Variants in ERBB4 observed in about 807,000 individuals in gnomAD.
The protein encoded by ERBB4 is erb-b2 receptor tyrosine kinase 4.
In ERBB4, 42 loss-of-function variants were observed where a neutral mutation model predicts 158.0. The observed-to-expected ratio is 0.27, with a 90% CI of 0.21 to 0.34. The LOEUF is 0.34. Ranked by LOEUF, ERBB4 falls within the 10% of genes least tolerant of loss-of-function variation. The pLI, the probability that ERBB4 is intolerant of heterozygous loss-of-function variation, is 1.00. For missense variants in ERBB4, 1,333 were observed against 1,624.1 expected (o/e 0.82, Z 3.08); for synonymous variants, 583 against 558.7 (o/e 1.04, Z -0.61).
At chr2:212,059,821 T>A (rs1186090546) in intron 2 of ERBB4, among the ~76,000 whole-genome samples, 1 of 152,028 alleles carries the variant, frequency 6.6e-6, no homozygotes, top group Non-Finnish European at 1.5e-5. Flanking sequence ...AAACATTAGA[T>A]CTAAAACCAT....
chr2:211,699,029 T>C (rs2073131207), intron 12 of ERBB4, among the ~76,000 whole-genome samples: 1 of 152,182 alleles, frequency 6.6e-6, no homozygotes, highest in South Asian at 2.1e-4. Context: ...GAGTTAACTT[T>C]TTAAAAAATC....
intron 12 of ERBB4, among the ~76,000 whole-genome samples, chr2:211,700,810 C>T (rs2073206579): frequency 1.3e-5 from 2 of 152,122 alleles, no homozygotes; most frequent in South Asian, 4.1e-4. Context: ...ACTGTGAGAG[C>T]AGAATTTTCT....
At chr2:211,896,408 C>T (rs1015046374) in intron 3 of ERBB4, among the ~76,000 whole-genome samples, 1 of 152,286 alleles carries the variant, frequency 6.6e-6, no homozygotes, top group Middle Eastern at 3.4e-3. Flanking sequence ...AGTCCATCAT[C>T]AGTAAATCTT....
Position 211,593,780 on chromosome 2 carries a change from T to C in ERBB4, c.2301+25397A>G, listed in dbSNP as rs1166530380. Among the ~76,000 whole-genome samples, 7 of 152,282 alleles carry C rather than the reference T, an allele frequency of 4.6e-5. No homozygotes were observed. In the South Asian group the frequency reaches 8.3e-4, roughly 18 times the overall value. On this transcript the variant is annotated intron_variant, in intron 19 of 27. Coordinates refer to ENST00000342788, the MANE Select transcript of ERBB4 (RefSeq NM_005235.3). ...TGATACCCTTTCAAGGAAAGACTTATCCGAGAGCGCTGCTGGCAAACAGCC... is the reference window on the plus strand; with the variant it reads ...TGATACCCTTTCAAGGAAAGACTTACCCGAGAGCGCTGCTGGCAAACAGCC...
At chr2:212,404,760 C>G (rs1395356529) in intron 1 of ERBB4, among the ~76,000 whole-genome samples, 1 of 151,906 alleles carries the variant, frequency 6.6e-6, no homozygotes, top group Non-Finnish European at 1.5e-5. Flanking sequence ...GTGTTAAGCC[C>G]AGTACCTAAT....
intron 4 of ERBB4, among the ~76,000 whole-genome samples, chr2:211,786,387 T>C (rs2076165407): frequency 1.3e-5 from 2 of 152,206 alleles, no homozygotes; most frequent in South Asian, 2.1e-4. Context: ...AAAACTACTA[T>C]GTAAATAATA....
intron 1 of ERBB4, among the ~76,000 whole-genome samples, chr2:212,198,614 G>A (rs2082498737): frequency 6.6e-6 from 1 of 151,876 alleles, no homozygotes. Flanking sequence ...TTGCTCTGTT[G>A]CCCAGGCTGG....
chr2:211,971,482 GA>G (rs1471672728), intron 2 of ERBB4, among the ~76,000 whole-genome samples: 1 of 152,114 alleles, frequency 6.6e-6, no homozygotes, highest in Non-Finnish European at 1.5e-5. Flanking sequence ...GAGGTATAAA[GA>G]AGAGCTGGTA....
At chr2:212,384,892 T>TATATAG (rs2090622356) in intron 1 of ERBB4, among the ~76,000 whole-genome samples, 1 of 85,134 alleles carries the variant, frequency 1.2e-5, no homozygotes, top group Non-Finnish European at 2.7e-5. Context: ...GTTTGTGGAA[T>TATATAG]ATATATATAT....
intron 3 of ERBB4, among the ~76,000 whole-genome samples, chr2:211,931,189 CA>C (rs1162522627): frequency 1.3e-5 from 2 of 152,056 alleles, no homozygotes; most frequent in African/African-American, 4.8e-5. Context: ...CAAAAGTCAT[CA>C]AAAGTTTTTC....
chr2:212,361,983 T>C (rs999007947), intron 1 of ERBB4, among the ~76,000 whole-genome samples: 1 of 151,682 alleles, frequency 6.6e-6, no homozygotes, highest in Non-Finnish European at 1.5e-5. Flanking sequence ...ATTTAAAGCA[T>C]ATAATTTTGT....
intron 25 of ERBB4, among the ~76,000 whole-genome samples, chr2:211,419,150 C>T (rs79113310): frequency 0.015 from 2,315 of 152,162 alleles, 53 homozygotes; most frequent in African/African-American, 0.052. Context: ...AGCAAACCTA[C>T]AGTGTAGTAG....
chr2:211,503,417 G>A (rs1206120607), intron 20 of ERBB4, among the ~76,000 whole-genome samples: 3 of 152,096 alleles, frequency 2.0e-5, no homozygotes, highest in African/African-American at 2.4e-5. Context: ...CCCCAGGCCC[G>A]CCAGTTTCTC....
intron 2 of ERBB4, among the ~76,000 whole-genome samples, chr2:211,960,220 T>C (rs2081144514): frequency 6.6e-6 from 1 of 152,106 alleles, no homozygotes; most frequent in Admixed American, 6.6e-5. Flanking sequence ...CATCTTATCA[T>C]AGCAGATAGT....
At chr2:211,603,578 T>A (rs534173357) in intron 19 of ERBB4, among the ~76,000 whole-genome samples, 2 of 152,278 alleles carry the variant, frequency 1.3e-5, no homozygotes, top group East Asian at 3.9e-4. Context: ...ATTAATTAAG[T>A]TTTTAGCAGT....
intron 1 of ERBB4, among the ~76,000 whole-genome samples, chr2:212,234,764 C>G (rs1249875480): frequency 6.6e-6 from 1 of 152,190 alleles, no homozygotes; most frequent in East Asian, 1.9e-4. Flanking sequence ...TTTTTGCTGG[C>G]TGCATAAATG....
At chr2:212,128,003 A>G (rs2079995264) in intron 1 of ERBB4, among the ~76,000 whole-genome samples, 1 of 152,128 alleles carries the variant, frequency 6.6e-6, no homozygotes, top group Admixed American at 6.5e-5. Context: ...TGTTGTTACT[A>G]TTTGTCTCTA....
At chr2:212,209,322 C>T (rs767963944) in intron 1 of ERBB4, among the ~76,000 whole-genome samples, 69 of 152,094 alleles carry the variant, frequency 4.5e-4, no homozygotes, top group Non-Finnish European at 7.9e-4. Flanking sequence ...TGTATATATG[C>T]TCTTTTTTGA....
At chr2:211,791,558 T>C (rs1362359272) in intron 3 of ERBB4, among the ~76,000 whole-genome samples, 1 of 151,904 alleles carries the variant, frequency 6.6e-6, no homozygotes, top group African/African-American at 2.4e-5. Context: ...AAGTATCTCA[T>C]TTCATTTTAT....
Sources: allele counts gnomAD v4.1 joint callset (sites outside exome capture counted in the v4.1 genomes callset), GRCh38; gene constraint gnomAD v4.1.1; transcripts MANE v1.5; gene names NCBI Gene and HGNC (gene_info 2026-07-23, HGNC 2026-07-21).